Variants in MBD2 observed in about 807,000 individuals in gnomAD.
MBD2 encodes methyl-CpG binding domain protein 2.
MBD2 carries 9 observed loss-of-function variants against 39.3 expected under a neutral mutation model. The ratio of observed to expected loss-of-function variants is 0.23; its 90% CI spans 0.14 to 0.40. The LOEUF (loss-of-function observed/expected upper bound fraction) is 0.40. Ranked by LOEUF, MBD2 falls within the 10% of genes least tolerant of loss-of-function variation. MBD2 has a pLI of 1.00. For missense variants in MBD2, 458 were observed against 532.6 expected, an observed-to-expected ratio of 0.86 and a Z score of 1.38; for synonymous variants, 233 against 211.1, an observed-to-expected ratio of 1.10 and a Z score of -0.90.
chr18:54,210,681 G>A (rs972621070), intron 1 of MBD2, among the ~76,000 whole-genome samples: 1 of 152,072 alleles, frequency 6.6e-6, no homozygotes, highest in Non-Finnish European at 1.5e-5. Flanking sequence ...AATGGCCTGT[G>A]AGTGACAAGG....
In MBD2 at chr18:54,151,905, C is replaced by G. The variant is rs997818862; in HGVS notation, c.*3419G>C. On this transcript the variant is annotated 3_prime_UTR_variant, in exon 7 of 7. Coordinates refer to ENST00000256429, the MANE Select transcript of MBD2 (RefSeq NM_003927.5). ...TTTATAATACATACAGCTTCTAACA[C>G]TTTTCCAACTGCATGACTCTTGTTC... 2 of 150,810 alleles carry G rather than the reference C, an allele frequency of 1.3e-5. No homozygotes were observed. Among genetic ancestry groups the G allele is most frequent in the East Asian group, 2.0e-4 (1 of 5,124 alleles). The allele number at this position is 150,810 out of a possible 1,614,324, so 9.3% of individuals were successfully genotyped here.
At chr18:54,168,841 C>T (rs181361205) in intron 3 of MBD2, among the ~76,000 whole-genome samples, 2 of 152,044 alleles carry the variant, frequency 1.3e-5, no homozygotes, top group East Asian at 3.9e-4. Context: ...TGAAACAGTC[C>T]TCAGGCGGTA....
At chr18:54,195,310 A>G (rs2086356693) in intron 2 of MBD2, among the ~76,000 whole-genome samples, 1 of 152,046 alleles carries the variant, frequency 6.6e-6, no homozygotes, top group South Asian at 2.1e-4. Context: ...TAGTAGACTC[A>G]TTTTATCTTT....
intron 3 of MBD2, among the ~76,000 whole-genome samples, chr18:54,183,430 G>A (rs963624986): frequency 5.9e-5 from 9 of 152,048 alleles, no homozygotes; most frequent in African/African-American, 2.2e-4. Context: ...GATAGAGAAA[G>A]AACCTAAGAA....
Position 54,164,564 on chromosome 18 carries a change from T to C in MBD2, c.1068A>G (p.Gln356=), listed in dbSNP as rs2086117379. 6.2e-7 allele frequency: 1 copy of C among 1,613,978 alleles called. No homozygotes were observed. The highest frequency in any genetic ancestry group is 8.5e-7 in the Non-Finnish European group (1 of 1,179,958). The stretch of plus-strand genomic sequence containing the variant: ...TGACAATAAAAGCTTTGCAGAGGGG[T>C]TGAGATGTGTTAAGCCAAACAGCAG... ...KNPAVWLNTS[Q]PLCKAFIVTD... is the part of the protein sequence containing the mutation. Residue 356 remains glutamine, a synonymous_variant, in exon 5 of 7, where the codon CAA becomes CAG. Transcript: ENST00000256429.
chr18:54,180,903 C>CTTTTTTTT (rs1189903798), intron 3 of MBD2, among the ~76,000 whole-genome samples: 17 of 49,876 alleles, frequency 3.4e-4, no homozygotes, highest in African/African-American at 6.0e-4. Context: ...TTTTCTTTTT[C>CTTTTTTTT]TTTTTTTTTT....
intron 2 of MBD2, among the ~76,000 whole-genome samples, chr18:54,189,787 C>CTA (rs1350448231): frequency 3.3e-5 from 5 of 151,966 alleles, no homozygotes; most frequent in African/African-American, 1.2e-4. Context: ...GTAGCTGGGA[C>CTA]TATAGGCAGT....
intron 2 of MBD2, among the ~76,000 whole-genome samples, chr18:54,201,996 T>C (rs577385693): frequency 1.4e-4 from 21 of 152,284 alleles, no homozygotes; most frequent in African/African-American, 5.1e-4. Context: ...ATGTAGCCTG[T>C]TTCAAAGTTT....
At chr18:54,216,728 A>G (rs1276066616) in intron 1 of MBD2, among the ~76,000 whole-genome samples, 1 of 152,092 alleles carries the variant, frequency 6.6e-6, no homozygotes, top group Non-Finnish European at 1.5e-5. Flanking sequence ...AAAAATAACA[A>G]AGAAAAGAAT....
intron 3 of MBD2, among the ~76,000 whole-genome samples, chr18:54,172,041 A>C (rs2086182812): frequency 6.6e-6 from 1 of 152,248 alleles, no homozygotes; most frequent in South Asian, 2.1e-4. Flanking sequence ...ATAATAGATC[A>C]GTAAACTTTA....
In MBD2 at chr18:54,160,402, T is replaced by A. The variant is rs190609513; in HGVS notation, c.1110-499A>T. Among the ~76,000 whole-genome samples, 115 of 152,090 alleles carry A rather than the reference T, an allele frequency of 7.6e-4. 1 individual carries two copies. Among genetic ancestry groups the A allele is most frequent in the Non-Finnish European group, 1.2e-3 (81 of 67,976 alleles). On this transcript the variant is annotated intron_variant, in intron 5 of 6. Transcript: ENST00000256429. ...GAGAGCTCTCTCCTGGATTCTGAGGTCTGCAGGCAACAGGTCAGCATGAAG... is the reference window on the plus strand; with the variant it reads ...GAGAGCTCTCTCCTGGATTCTGAGGACTGCAGGCAACAGGTCAGCATGAAG...
Position 54,204,706 on chromosome 18 carries a change from AT to A in MBD2, c.702+291del, listed in dbSNP as rs532649757. Among the ~76,000 whole-genome samples the A allele has an allele frequency of 1.4e-4, 21 of 152,344 alleles. 1 individual carries two copies. The South Asian group carries it at 4.3e-3, about 32-fold the overall frequency. On this transcript the variant is annotated intron_variant, in intron 2 of 6. Coordinates refer to ENST00000256429, the MANE Select transcript of MBD2 (RefSeq NM_003927.5). ...TGCCACTTTTTGGTCAACAGGAACT[AT>A]TTTGAGGGGAAAAAGAAAAAAGGAG...
chr18:54,214,001 TTC>T (rs2086533085), intron 1 of MBD2, among the ~76,000 whole-genome samples: 1 of 149,890 alleles, frequency 6.7e-6, no homozygotes, highest in African/African-American at 2.5e-5. Flanking sequence ...TTTTCTTTCT[TTC>T]TTTTTTTTTT....
intron 2 of MBD2, among the ~76,000 whole-genome samples, chr18:54,204,635 C>T (rs1048290685): frequency 2.0e-5 from 3 of 152,164 alleles, no homozygotes; most frequent in East Asian, 1.9e-4. Context: ...AAAATCAATA[C>T]GTAATTATAA....
chr18:54,151,891 T>C lies in MBD2; in HGVS notation c.*3433A>G, dbSNP rs2086023974. 6.8e-6 allele frequency: 1 copy of C among 147,810 alleles called. No individual in the cohort carries two copies. Among genetic ancestry groups the C allele is most frequent in the Admixed American group, 6.7e-5 (1 of 14,842 alleles). 9.2% of individuals were successfully genotyped at this position (147,810 alleles called of 1,614,324 possible). ...GGGCATTTCTTTCCTTTATAATACATACAGCTTCTAACACTTTTCCAACTG... is the reference window on the plus strand; with the variant it reads ...GGGCATTTCTTTCCTTTATAATACACACAGCTTCTAACACTTTTCCAACTG... On this transcript the variant is annotated 3_prime_UTR_variant, in exon 7 of 7. Coordinates refer to ENST00000256429, the MANE Select transcript of MBD2 (RefSeq NM_003927.5).
chr18:54,197,634 T>G (rs1682073492), intron 2 of MBD2, among the ~76,000 whole-genome samples: 1 of 152,204 alleles, frequency 6.6e-6, no homozygotes, highest in Non-Finnish European at 1.5e-5. Context: ...TTAGTACTCT[T>G]TTTGTGTTAT....
chr18:54,205,955 C>T (rs956990357), intron 1 of MBD2, among the ~76,000 whole-genome samples: 5 of 144,482 alleles, frequency 3.5e-5, no homozygotes, highest in Admixed American at 1.4e-4. Context: ...AAAACACACA[C>T]ATACACACAC....
intron 2 of MBD2, among the ~76,000 whole-genome samples, chr18:54,200,566 C>T (rs1038112177): frequency 2.6e-5 from 4 of 152,174 alleles, no homozygotes; most frequent in Non-Finnish European, 5.9e-5. Context: ...TCCCAGTTCC[C>T]TGCTAAAAAT....
At chr18:54,172,666 A>T (rs529181768) in intron 3 of MBD2, among the ~76,000 whole-genome samples, 24 of 152,346 alleles carry the variant, frequency 1.6e-4, no homozygotes, top group African/African-American at 5.8e-4. Flanking sequence ...ACAAAATGAA[A>T]CTGACTTTCC....
Sources: gnomAD v4.1 joint callset for allele counts (sites outside exome capture counted in the v4.1 genomes callset) on GRCh38, gnomAD v4.1.1 for gene constraint, MANE v1.5 for transcripts, NCBI Gene and HGNC (gene_info 2026-07-23, HGNC 2026-07-21) for gene names.